SLC16A12: variants seen among roughly 807,000 people sequenced by gnomAD.
SLC16A12 encodes the protein solute carrier family 16 member 12.
SLC16A12 carries 17 observed loss-of-function variants against 42.4 expected under a neutral mutation model. The observed-to-expected ratio is 0.40, with a 90% confidence interval of 0.27 to 0.60. The LOEUF is 0.60. Ranked by LOEUF, SLC16A12 falls within the 20% of genes least tolerant of loss-of-function variation. The pLI, the probability that SLC16A12 is intolerant of heterozygous loss-of-function variation, is 0.42. For synonymous variants in SLC16A12, 224 were observed against 229.4 expected (o/e 0.98, Z 0.21); for missense variants, 544 against 623.0 (o/e 0.87, Z 1.35).
At chr10:89,506,585 G>A (rs1042376684) in intron 2 of SLC16A12, among the ~76,000 whole-genome samples, 9 of 152,128 alleles carry the variant, frequency 5.9e-5, no homozygotes, top group Non-Finnish European at 1.3e-4. Flanking sequence ...CAACATCAAA[G>A]ACCAAAGGTA....
intron 6 of SLC16A12, 86 bp from the exon 7 acceptor site, chr10:89,436,405 T>C: frequency 1.3e-6 from 2 of 1,507,826 alleles, no homozygotes; most frequent in South Asian, 1.1e-5. Context: ...GCAGTAAGCA[T>C]TGCAGTTATT....
chr10:89,539,089 G>C (rs901944875), upstream of SLC16A12, among the ~76,000 whole-genome samples: 10 of 152,160 alleles, frequency 6.6e-5, no homozygotes, highest in Admixed American at 3.3e-4. Context: ...TGTATTCATA[G>C]TGGAGCCCCA....
intron 2 of SLC16A12, among the ~76,000 whole-genome samples, chr10:89,487,615 AC>A (rs1237244308): frequency 6.6e-6 from 1 of 150,682 alleles, no homozygotes; most frequent in Non-Finnish European, 1.5e-5. Context: ...AGCCTGGCCA[AC>A]ATGGAGAAAC....
intron 2 of SLC16A12, among the ~76,000 whole-genome samples, chr10:89,551,748 C>T (rs1338905893): frequency 3.9e-5 from 6 of 152,150 alleles, no homozygotes; most frequent in African/African-American, 7.2e-5. Context: ...CTCTGGCCAC[C>T]ACCATGTAAG....
At chr10:89,556,303 A>G (rs1843815621) in intron 1 of SLC16A12, among the ~76,000 whole-genome samples, 1 of 152,120 alleles carries the variant, frequency 6.6e-6, no homozygotes, top group South Asian at 2.1e-4. Context: ...TGACCACTTT[A>G]CTAACTGAAA....
At chr10:89,512,912 A>G (rs1365678906) in intron 2 of SLC16A12, among the ~76,000 whole-genome samples, 1 of 152,156 alleles carries the variant, frequency 6.6e-6, no homozygotes, top group Non-Finnish European at 1.5e-5. Context: ...GGAGTCCTTA[A>G]TCTGTGGGAT....
At chr10:89,460,978 A>G (rs1034220993) in intron 3 of SLC16A12, among the ~76,000 whole-genome samples, 1 of 152,180 alleles carries the variant, frequency 6.6e-6, no homozygotes, top group African/African-American at 2.4e-5. Flanking sequence ...CCTGCACTGT[A>G]TCTTTGTTAT....
intron 2 of SLC16A12, among the ~76,000 whole-genome samples, chr10:89,481,849 A>G (rs1254162615): frequency 2.0e-5 from 3 of 152,190 alleles, no homozygotes; most frequent in Non-Finnish European, 4.4e-5. Context: ...ACACAGAATG[A>G]GAATGCAATG....
At chr10:89,554,438 A>G (rs1485892662) in intron 2 of SLC16A12, among the ~76,000 whole-genome samples, 1 of 152,246 alleles carries the variant, frequency 6.6e-6, no homozygotes, top group African/African-American at 2.4e-5. Flanking sequence ...TTGAGGAAAC[A>G]GGACAGGAGA....
At chr10:89,457,696 A>G (rs1842218446) in intron 3 of SLC16A12, among the ~76,000 whole-genome samples, 1 of 152,162 alleles carries the variant, frequency 6.6e-6, no homozygotes, top group East Asian at 1.9e-4. Context: ...CATGTACTTA[A>G]TTTTACACAG....
chr10:89,535,855 G>A (rs1843650729), upstream of SLC16A12, among the ~76,000 whole-genome samples: 3 of 152,310 alleles, frequency 2.0e-5, no homozygotes, highest in South Asian at 6.2e-4. Context: ...CTGGGGCCGG[G>A]GGCCTAGCTG....
chr10:89,483,245 T>A (rs1842694152), intron 2 of SLC16A12, among the ~76,000 whole-genome samples: 1 of 152,142 alleles, frequency 6.6e-6, no homozygotes, highest in Non-Finnish European at 1.5e-5. Context: ...TCCTTCAACC[T>A]TAATTACTTC....
At chr10:89,475,797 CA>C (rs1564581985) in intron 2 of SLC16A12, among the ~76,000 whole-genome samples, 3 of 152,234 alleles carry the variant, frequency 2.0e-5, no homozygotes, top group Admixed American at 2.0e-4. Context: ...GAATAAACAG[CA>C]GAGTGATTTA....
At chr10:89,435,984 C>A in intron 7 of SLC16A12, 76 bp downstream of exon 7, 4 of 1,591,752 alleles carry the variant, frequency 2.5e-6, no homozygotes, top group Non-Finnish European at 2.6e-6. Flanking sequence ...TTCTCATTGA[C>A]TGCATGTGGG....
intron 2 of SLC16A12, among the ~76,000 whole-genome samples, chr10:89,495,098 C>G (rs1324543662): frequency 6.6e-6 from 1 of 152,134 alleles, no homozygotes; most frequent in East Asian, 1.9e-4. Flanking sequence ...CCCCTGTAAT[C>G]CCAGCACTTT....
At chr10:89,543,472 A>T (rs1489123232) in intron 2 of SLC16A12, among the ~76,000 whole-genome samples, 1 of 152,158 alleles carries the variant, frequency 6.6e-6, no homozygotes, top group Non-Finnish European at 1.5e-5. Flanking sequence ...CTCATTTATA[A>T]AATGAACATA....
chr10:89,477,435 A>C (rs1375023814), intron 2 of SLC16A12, among the ~76,000 whole-genome samples: 2 of 151,914 alleles, frequency 1.3e-5, no homozygotes, highest in African/African-American at 4.8e-5. Context: ...GTGGTGGTGC[A>C]TGTCTGTAAT....
Position 89,487,390 on chromosome 10 carries a change from G to T in SLC16A12, c.-46-24766C>A, listed in dbSNP as rs142925359. On this transcript the variant is annotated intron_variant, in intron 2 of 7. Coordinates refer to ENST00000371790, the MANE Select transcript of SLC16A12 (RefSeq NM_213606.4). ...AAAAGGGAACTCTCATACATTGTCG[G>T]TGGGAATGTAAGTTAATAAAACCTC... is the stretch of plus-strand genomic sequence containing the variant. 1.8e-3 allele frequency among the ~76,000 whole-genome samples: 274 copies of T among 152,200 alleles called. 1 individual carries two copies. Among genetic ancestry groups the T allele is most frequent in the African/African-American group, 6.3e-3 (262 of 41,538 alleles).
chr10:89,436,181 G>A lies in SLC16A12; in HGVS notation c.1167C>T (p.Ala389=). ...FSCTFGYFDG[A]YVTLIPVVTT... ...TCACTACTGGGATCAAAGTCACATA[G>A]GCACCATCAAAGTAGCCAAAGGTAC... Residue 389 remains alanine, a synonymous_variant, in exon 7 of 8, where the codon GCC becomes GCT. Transcript: ENST00000371790. The A allele has an allele frequency of 6.2e-7, 1 of 1,614,094 alleles. No individual in the cohort carries two copies. Among genetic ancestry groups the A allele is most frequent in the Non-Finnish European group, 8.5e-7 (1 of 1,180,000 alleles).
Sources: gnomAD v4.1 joint callset for allele counts (sites outside exome capture counted in the v4.1 genomes callset) on GRCh38, gnomAD v4.1.1 for gene constraint, MANE v1.5 for transcripts, NCBI Gene and HGNC (gene_info 2026-07-23, HGNC 2026-07-21) for gene names.